The following SGCD variants were observed in gnomAD, a reference collection of about 807,000 sequenced individuals.
SGCD encodes the protein delta-sarcoglycan.
Under a neutral mutation model 36.6 loss-of-function variants are expected in SGCD, and 18 were observed. The observed-to-expected ratio is 0.49, with a 90% CI of 0.34 to 0.73. The LOEUF is 0.73. Ranked by LOEUF, SGCD falls within the 30% of genes least tolerant of loss-of-function variation. SGCD has a pLI of 0.01. For synonymous variants in SGCD, 133 were observed against 130.6 expected (o/e 1.02, Z -0.12); for missense variants, 387 against 346.7 (o/e 1.12, Z -0.92).
intron 7 of SGCD, among the ~76,000 whole-genome samples, chr5:156,678,860 A>G (rs558335668): frequency 2.6e-4 from 39 of 152,256 alleles, no homozygotes; most frequent in Middle Eastern, 6.8e-3. Flanking sequence ...ACACCGAAGC[A>G]TTTTCCACAC....
At chr5:156,755,023 A>G (rs897967921) in intron 7 of SGCD, among the ~76,000 whole-genome samples, 5 of 152,246 alleles carry the variant, frequency 3.3e-5, no homozygotes, top group Admixed American at 3.3e-4. Flanking sequence ...CTTGAGACAC[A>G]GTTACAATAG....
In SGCD at chr5:156,452,072, G is replaced by T. The variant is rs569940518; in HGVS notation, c.193-56529G>T. Among the ~76,000 whole-genome samples the T allele has an allele frequency of 7.9e-5, 12 of 152,246 alleles. No individual in the cohort carries two copies. The South Asian group carries it at 2.5e-3, about 32-fold the overall frequency. On this transcript the variant is annotated intron_variant, in intron 3 of 8. Coordinates refer to ENST00000337851, the MANE Select transcript of SGCD (RefSeq NM_000337.6). ...AGGGCATGGCAGGCAATCCATTCCA[G>T]GCAGTCTTACTCTTGAGCCTGTGCT...
intron 6 of SGCD, among the ~76,000 whole-genome samples, chr5:156,604,354 T>C (rs1761328366): frequency 6.6e-6 from 1 of 152,022 alleles, no homozygotes; most frequent in Admixed American, 6.5e-5. Flanking sequence ...TCACTGTATA[T>C]ATTTTAATTA....
At chr5:155,745,464 CTCTTTTTTTCCTCA>C in the SGCD span, among the ~76,000 whole-genome samples, 2 of 152,152 alleles carry the variant, frequency 1.3e-5, no homozygotes, top group Non-Finnish European at 2.9e-5. Context: ...TTCTATTTCT[CTCTTTTTTTCCTCA>C]TCAATCTTAT....
In SGCD at chr5:156,067,646, C is replaced by T. The variant is rs530628270; in HGVS notation, c.-281-50232C>T. 1.3e-4 allele frequency among the ~76,000 whole-genome samples: 15 copies of T among 111,142 alleles called. No homozygotes were observed. The East Asian group carries it at 1.9e-3, about 14-fold the overall frequency. 72.9% of individuals were successfully genotyped at this position (111,142 alleles called of 152,430 possible). Reference sequence around the variant, plus strand: ...AGGTGTGGGATATAGTCTCGTGGTGCGCCGTTTCTTAAGCCGGTCTGAAAA... The same window carrying T: ...AGGTGTGGGATATAGTCTCGTGGTGTGCCGTTTCTTAAGCCGGTCTGAAAA... On this transcript the variant is annotated intron_variant, in intron 1 of 9. Coordinates refer to the SGCD transcript ENST00000517913.
At chr5:155,908,567 G>A (rs576708279) in intron 1 of SGCD, among the ~76,000 whole-genome samples, 92 of 152,224 alleles carry the variant, frequency 6.0e-4, no homozygotes, top group Non-Finnish European at 9.7e-4. Flanking sequence ...AAGTGATAGC[G>A]AGATTTTTGA....
At chr5:155,872,479 C>T (rs1755675794) in intron 1 of SGCD, among the ~76,000 whole-genome samples, 1 of 152,042 alleles carries the variant, frequency 6.6e-6, no homozygotes, top group Non-Finnish European at 1.5e-5. Context: ...TTTTAAAAAT[C>T]CAATAACATT....
At chr5:156,696,568 G>A (rs927279834) in intron 7 of SGCD, among the ~76,000 whole-genome samples, 2 of 152,100 alleles carry the variant, frequency 1.3e-5, no homozygotes, top group African/African-American at 4.8e-5. Flanking sequence ...GGAGTGCAGT[G>A]GCACAATCTT....
intron 7 of SGCD, among the ~76,000 whole-genome samples, chr5:156,702,480 G>C (rs977415544): frequency 1.3e-5 from 2 of 151,928 alleles, no homozygotes; most frequent in Non-Finnish European, 2.9e-5. Context: ...CTCAGGGCGG[G>C]GAAGCGTACT....
chr5:156,023,371 A>G (rs1261076651), intron 1 of SGCD, among the ~76,000 whole-genome samples: 2 of 152,168 alleles, frequency 1.3e-5, no homozygotes, highest in African/African-American at 4.8e-5. Flanking sequence ...TCCTCAACCA[A>G]CCAGTCAAGT....
intron 6 of SGCD, among the ~76,000 whole-genome samples, chr5:156,634,608 G>A (rs1298739019): frequency 6.6e-6 from 1 of 152,092 alleles, no homozygotes; most frequent in Non-Finnish European, 1.5e-5. Flanking sequence ...CAGGATTTGG[G>A]GCTCAGGGGA....
rs187775785 is a variant in SGCD at position 156,756,160 on chromosome 5, G to A, written c.576-1421G>A. Among the ~76,000 whole-genome samples the A allele has an allele frequency of 5.3e-5, 8 of 152,344 alleles. No homozygotes were observed. The East Asian group carries it at 1.5e-3, about 29-fold the overall frequency. On this transcript the variant is annotated intron_variant, in intron 7 of 8. Transcript: ENST00000337851. ...TCAGGAAATTGGTCTGGATCAGAGT[G>A]TTTTGAGAACCATTGCTGAGGTCTC... is the stretch of plus-strand genomic sequence containing the variant.
chr5:156,613,060 G>T (rs751208077), intron 6 of SGCD, among the ~76,000 whole-genome samples: 16 of 152,306 alleles, frequency 1.1e-4, no homozygotes, highest in South Asian at 2.1e-4. Flanking sequence ...TGTGGCAGAG[G>T]TACGGTGCTT....
At chr5:156,667,998 A>G (rs1485767838) in intron 7 of SGCD, among the ~76,000 whole-genome samples, 1 of 152,236 alleles carries the variant, frequency 6.6e-6, no homozygotes, top group East Asian at 1.9e-4. Flanking sequence ...GAGTTCACGT[A>G]ACCTTAGAAT....
chr5:155,927,797 G>T (rs1757021891), intron 1 of SGCD, among the ~76,000 whole-genome samples: 1 of 152,132 alleles, frequency 6.6e-6, no homozygotes, highest in South Asian at 2.1e-4. Context: ...TTGTAAGATG[G>T]TTTATGTCCA....
chr5:155,785,329 C>T, the SGCD span, among the ~76,000 whole-genome samples: 7 of 152,116 alleles, frequency 4.6e-5, no homozygotes, highest in Non-Finnish European at 1.0e-4. Context: ...TATATGGGCA[C>T]AATGTAATAT....
chr5:156,003,335 G>C (rs1758698985), intron 1 of SGCD, among the ~76,000 whole-genome samples: 1 of 152,226 alleles, frequency 6.6e-6, no homozygotes, highest in African/African-American at 2.4e-5. Context: ...ATAAAAGCTA[G>C]ATAGGTGTTT....
the SGCD span, among the ~76,000 whole-genome samples, chr5:155,853,963 G>T: frequency 6.6e-6 from 1 of 152,140 alleles, no homozygotes; most frequent in Non-Finnish European, 1.5e-5. Context: ...TTATAGTAGG[G>T]ATGGTTACCC....
Position 156,569,320 on chromosome 5 carries a change from G to T in SGCD, c.295-19911G>T, listed in dbSNP as rs574386029. Among the ~76,000 whole-genome samples the T allele has an allele frequency of 4.6e-5, 7 of 152,168 alleles. No individual in the cohort carries two copies. The South Asian group carries it at 1.0e-3, about 23-fold the overall frequency. On this transcript the variant is annotated intron_variant, in intron 4 of 8. Transcript: ENST00000337851. ...AAAAAATAGACAATCAGCCGGGCAT[G>T]GTAGCACACGCCTGTAATCCCAGCA...
Sources: gnomAD v4.1 joint callset for allele counts (sites outside exome capture counted in the v4.1 genomes callset) on GRCh38, gnomAD v4.1.1 for gene constraint, MANE v1.5 for transcripts, NCBI Gene and HGNC (gene_info 2026-07-23, HGNC 2026-07-21) for gene names.